The following TCP11L1 variants were observed in gnomAD, a reference collection of about 807,000 sequenced individuals.
TCP11L1 encodes t-complex 11 like 1.
A neutral mutation model predicts 48.9 loss-of-function variants in TCP11L1; 28 were observed. The observed-to-expected ratio is 0.57, with a 90% CI of 0.42 to 0.78. TCP11L1 has a LOEUF of 0.78. TCP11L1 is among the 30% of genes least tolerant of loss of function. The pLI is 0.00. For missense variants in TCP11L1, 505 were observed against 613.4 expected (o/e 0.82, Z 1.87); for synonymous variants, 204 against 231.9 (o/e 0.88, Z 1.09).
At chr11:33,048,082 G>C (rs978571433) in intron 2 of TCP11L1, among the ~76,000 whole-genome samples, 1 of 152,154 alleles carries the variant, frequency 6.6e-6, no homozygotes, top group South Asian at 2.1e-4. Context: ...CTCTAACAGG[G>C]CATCAGTGCG....
intron 9 of TCP11L1, among the ~76,000 whole-genome samples, chr11:33,070,896 G>A (rs901333422): frequency 1.3e-4 from 19 of 151,040 alleles, no homozygotes; most frequent in Admixed American, 9.9e-4. Flanking sequence ...CAGGTACTCG[G>A]AAGGCTGAGG....
intron 8 of TCP11L1, among the ~76,000 whole-genome samples, chr11:33,067,909 A>C (rs549087690): frequency 1.3e-5 from 2 of 151,578 alleles, no homozygotes. Context: ...ATTTTTTAAA[A>C]ATTTTTTAAT....
chr11:33,068,546 G>A, intron 8 of TCP11L1, 141 bp from the exon 9 acceptor site: 2 of 1,021,818 alleles, frequency 2.0e-6, no homozygotes, highest in South Asian at 1.5e-5. Flanking sequence ...GAGGTAAGGT[G>A]GCAGGGAAAA....
At chr11:33,071,995 G>A (rs1297588162) in intron 9 of TCP11L1, among the ~76,000 whole-genome samples, 2 of 152,088 alleles carry the variant, frequency 1.3e-5, no homozygotes, top group Non-Finnish European at 1.5e-5. Flanking sequence ...ACAGGTGTGC[G>A]CCACCACACC....
At chr11:33,042,832 C>G (rs1013506308) in intron 1 of TCP11L1, among the ~76,000 whole-genome samples, 3 of 152,106 alleles carry the variant, frequency 2.0e-5, no homozygotes, top group African/African-American at 7.2e-5. Flanking sequence ...CTTTGGGAGG[C>G]CAGGGCAGGT....
intron 9 of TCP11L1, among the ~76,000 whole-genome samples, chr11:33,069,939 C>CAGGAAAGT (rs2133750161): frequency 6.6e-6 from 1 of 152,212 alleles, no homozygotes; most frequent in South Asian, 2.1e-4. Flanking sequence ...CATAGGGAGG[C>CAGGAAAGT]AGGAAAGTGC....
chr11:33,063,183 A>C (rs1854515187), intron 7 of TCP11L1, among the ~76,000 whole-genome samples: 1 of 152,200 alleles, frequency 6.6e-6, no homozygotes. Context: ...TTTTAGGCTG[A>C]ATAATATATT....
At chr11:33,069,407 TATA>T (rs1345273947) in intron 9 of TCP11L1, among the ~76,000 whole-genome samples, 1 of 151,682 alleles carries the variant, frequency 6.6e-6, no homozygotes, top group Non-Finnish European at 1.5e-5. Flanking sequence ...ATTTAAAATT[TATA>T]ATAAACTTGA....
chr11:33,062,854 T>G (rs1018068091), intron 7 of TCP11L1, among the ~76,000 whole-genome samples: 11 of 152,250 alleles, frequency 7.2e-5, no homozygotes, highest in African/African-American at 2.7e-4. Flanking sequence ...CAGTGTTCCC[T>G]TTCTGGGTTT....
intron 9 of TCP11L1, among the ~76,000 whole-genome samples, chr11:33,071,251 G>A (rs1854781200): frequency 6.6e-6 from 1 of 151,966 alleles, no homozygotes; most frequent in African/African-American, 2.4e-5. Context: ...GGAGGCGGAG[G>A]TGTAGTGAGC....
intron 5 of TCP11L1, among the ~76,000 whole-genome samples, 177 bp from the exon 6 acceptor site, chr11:33,058,779 ATGT>A (rs1564982327): frequency 1.3e-5 from 2 of 152,190 alleles, no homozygotes; most frequent in African/African-American, 4.8e-5. Context: ...AGTTTTTATC[ATGT>A]TGTCACATTT....
chr11:33,042,090 T>C (rs1431812270), intron 1 of TCP11L1, among the ~76,000 whole-genome samples: 1 of 152,190 alleles, frequency 6.6e-6, no homozygotes, highest in Non-Finnish European at 1.5e-5. Context: ...AGTGGAGGAA[T>C]TGACTAAAAC....
At chr11:33,059,382 T>C (rs1261981977) in intron 6 of TCP11L1, among the ~76,000 whole-genome samples, 1 of 152,226 alleles carries the variant, frequency 6.6e-6, no homozygotes, top group Admixed American at 6.5e-5. Context: ...AAACACCAGT[T>C]TGAAGTAAAA....
At chr11:33,060,485 G>A (rs1388937488) in intron 6 of TCP11L1, among the ~76,000 whole-genome samples, 1 of 152,068 alleles carries the variant, frequency 6.6e-6, no homozygotes, top group Non-Finnish European at 1.5e-5. Context: ...CTGTGACCTT[G>A]GCCGCCCACT....
chr11:33,066,357 A>T (rs1313848684), intron 8 of TCP11L1, among the ~76,000 whole-genome samples: 1 of 152,114 alleles, frequency 6.6e-6, no homozygotes, highest in Non-Finnish European at 1.5e-5. Flanking sequence ...TTGAAGCAAG[A>T]GGGGGAACGT....
chr11:33,041,385 G>T (rs1188675413), intron 1 of TCP11L1: 1 of 152,278 alleles, frequency 6.6e-6, no homozygotes, highest in Non-Finnish European at 1.5e-5. Flanking sequence ...GAGGAGATGG[G>T]TGTCTCCAGT....
intron 9 of TCP11L1, among the ~76,000 whole-genome samples, chr11:33,070,403 G>T (rs965789644): frequency 6.6e-6 from 1 of 152,150 alleles, no homozygotes; most frequent in Non-Finnish European, 1.5e-5. Flanking sequence ...AAGAATAAGG[G>T]TGCTGAGCAC....
Position 33,040,161 on chromosome 11 carries a change from G to C in TCP11L1, c.-25+369G>C, listed in dbSNP as rs140130176. The C allele has an allele frequency of 6.0e-3, 911 of 152,148 alleles. 16 individuals are homozygous for C. The highest frequency in any genetic ancestry group is 0.021 in the African/African-American group (888 of 41,450). The allele number at this position is 152,148 out of a possible 1,614,324, so 9.4% of individuals were successfully genotyped here. A position where few individuals can be genotyped will look rare whatever the true frequency, so the allele number is the denominator to read the frequency against. On this transcript the variant is annotated intron_variant, in intron 1 of 9. Transcript: ENST00000334274. ...TCTGCTGGGGAGCCTCTTGTGTCCAGCCTAGGCCCGCGTGCAGCGCCGACG... is the reference window on the plus strand; with the variant it reads ...TCTGCTGGGGAGCCTCTTGTGTCCACCCTAGGCCCGCGTGCAGCGCCGACG...
At chr11:33,044,730 A>C (rs954547566) in intron 2 of TCP11L1, among the ~76,000 whole-genome samples, 2 of 152,208 alleles carry the variant, frequency 1.3e-5, no homozygotes, top group African/African-American at 4.8e-5. Context: ...TCTTCTAGCA[A>C]ACATTAATGG....
Sources: gnomAD v4.1 joint callset for allele counts (sites outside exome capture counted in the v4.1 genomes callset) on GRCh38, gnomAD v4.1.1 for gene constraint, MANE v1.5 for transcripts, NCBI Gene and HGNC (gene_info 2026-07-23, HGNC 2026-07-21) for gene names.